BZW2: variants seen among roughly 807,000 people sequenced by gnomAD.
BZW2 encodes basic leucine zipper and W2 domains 2, also known as eIF5-mimic protein 1.
Under a neutral mutation model 53.2 loss-of-function variants are expected in BZW2, and 23 were observed. That is an observed-to-expected ratio of 0.43 (90% CI 0.31 to 0.61). BZW2 has a LOEUF of 0.61. Ranked by LOEUF, BZW2 falls within the 20% of genes least tolerant of loss-of-function variation. The pLI is 0.09. For synonymous variants in BZW2, 227 were observed against 186.4 expected (o/e 1.22, Z -1.77); for missense variants, 409 against 503.1 (o/e 0.81, Z 1.79).
intron 5 of BZW2, among the ~76,000 whole-genome samples, chr7:16,683,982 G>A (rs943389840): frequency 9.2e-5 from 14 of 152,228 alleles, no homozygotes; most frequent in Admixed American, 2.0e-4. Context: ...TGACCCAGCC[G>A]TCATGAATTT....
rs1562489270 is a variant in BZW2 at position 16,682,766 on chromosome 7, T to G, written c.340-14T>G. On this transcript the variant is annotated splice_polypyrimidine_tract_variant and intron_variant, in intron 4 of 11. Transcript: ENST00000258761. The stretch of plus-strand genomic sequence containing the variant: ...TTTGGTTGACCTAATATTTAATGGT[T>G]GTTTTTTTTTTAGGTCTTCAATAAA... 2 of 1,517,988 alleles carry G rather than the reference T, an allele frequency of 1.3e-6. No homozygotes were observed. Among genetic ancestry groups the G allele is most frequent in the East Asian group, 2.3e-5 (1 of 43,674 alleles). The allele number at this position is 1,517,988 out of a possible 1,614,324, so 94.0% of individuals were successfully genotyped here.
intron 1 of BZW2, among the ~76,000 whole-genome samples, chr7:16,657,289 G>A (rs933222535): frequency 1.3e-5 from 2 of 152,190 alleles, no homozygotes; most frequent in Non-Finnish European, 2.9e-5. Flanking sequence ...ACCATTGGAC[G>A]TAAATGTATT....
At chr7:16,671,669 G>A (rs191202430) in intron 2 of BZW2, among the ~76,000 whole-genome samples, 1 of 152,254 alleles carries the variant, frequency 6.6e-6, no homozygotes, top group East Asian at 1.9e-4. Flanking sequence ...AGTGGCTCAT[G>A]CCTGTAATCC....
intron 7 of BZW2, among the ~76,000 whole-genome samples, chr7:16,694,007 G>C (rs1193186320): frequency 1.3e-5 from 2 of 152,228 alleles, no homozygotes; most frequent in Middle Eastern, 3.4e-3. Flanking sequence ...CAAAAGCTTG[G>C]ATATATTTTT....
chr7:16,683,196 A>T (rs1294643519), intron 5 of BZW2, among the ~76,000 whole-genome samples: 1 of 152,210 alleles, frequency 6.6e-6, no homozygotes, highest in Non-Finnish European at 1.5e-5. Context: ...ACTCCATCTC[A>T]AAAAATAAAA....
chr7:16,700,869 G>A (rs991984588), intron 10 of BZW2: 2 of 152,030 alleles, frequency 1.3e-5, no homozygotes, highest in Admixed American at 6.6e-5. Context: ...AATGGAAACC[G>A]TTGCTCCATT....
intron 1 of BZW2, among the ~76,000 whole-genome samples, chr7:16,660,056 C>G (rs959024496): frequency 2.7e-5 from 4 of 147,310 alleles, no homozygotes; most frequent in African/African-American, 1.0e-4. Context: ...TTGTTCAGTT[C>G]CCACCTATGA....
At chr7:16,661,854 A>G (rs573726143) in intron 1 of BZW2, among the ~76,000 whole-genome samples, 28 of 152,256 alleles carry the variant, frequency 1.8e-4, no homozygotes, top group Middle Eastern at 3.4e-3. Flanking sequence ...CCAAATTGTC[A>G]TGATGCATAG....
At chr7:16,658,077 A>G (rs1279865303) in intron 1 of BZW2, among the ~76,000 whole-genome samples, 1 of 152,182 alleles carries the variant, frequency 6.6e-6, no homozygotes, top group Non-Finnish European at 1.5e-5. Context: ...ACCATCTGGA[A>G]GATTGAATGA....
intron 1 of BZW2, among the ~76,000 whole-genome samples, chr7:16,647,748 G>A (rs1204032796): frequency 6.6e-6 from 1 of 152,168 alleles, no homozygotes; most frequent in African/African-American, 2.4e-5. Context: ...GTATCATGCG[G>A]AAGAAACCCA....
At chr7:16,667,237 C>T (rs1351005708) in intron 2 of BZW2, among the ~76,000 whole-genome samples, 5 of 148,126 alleles carry the variant, frequency 3.4e-5, no homozygotes, top group African/African-American at 1.3e-4. Context: ...GCCGACATTG[C>T]ACCACTGCAC....
At chr7:16,687,129 T>C (rs1474156376) in intron 6 of BZW2, 1 of 152,184 alleles carries the variant, frequency 6.6e-6, no homozygotes, top group Non-Finnish European at 1.5e-5. Context: ...GTCTGTAACT[T>C]CCTTTGTAAT....
intron 1 of BZW2, among the ~76,000 whole-genome samples, chr7:16,661,906 A>G (rs1232312658): frequency 1.3e-5 from 2 of 152,110 alleles, no homozygotes; most frequent in African/African-American, 4.8e-5. Flanking sequence ...ATACTGTTAA[A>G]CTTTTATTTT....
At chr7:16,680,749 C>T (rs1294472789) in intron 3 of BZW2, among the ~76,000 whole-genome samples, 1 of 151,900 alleles carries the variant, frequency 6.6e-6, no homozygotes, top group Non-Finnish European at 1.5e-5. Context: ...GTTGAGACTG[C>T]AGTGAGCCAT....
At chr7:16,690,483 G>A (rs543949694) in intron 7 of BZW2, among the ~76,000 whole-genome samples, 2 of 152,218 alleles carry the variant, frequency 1.3e-5, no homozygotes, top group East Asian at 3.9e-4. Flanking sequence ...GGGATTATAG[G>A]CGTGAGCCAC....
intron 3 of BZW2, among the ~76,000 whole-genome samples, chr7:16,676,504 C>T (rs2128359513): frequency 6.6e-6 from 1 of 152,282 alleles, no homozygotes; most frequent in South Asian, 2.1e-4. Flanking sequence ...GCCGAGATCA[C>T]ACCATTGCGA....
At position 16,646,635 on chromosome 7, in the gene BZW2, G is replaced by A. The variant is rs541579021; in HGVS notation, c.-8+347G>A. 5.9e-5 allele frequency among the ~76,000 whole-genome samples: 9 copies of A among 152,330 alleles called. No individual in the cohort carries two copies. The East Asian group carries it at 1.7e-3, about 29-fold the overall frequency. On this transcript the variant is annotated intron_variant, in intron 1 of 11. Transcript: ENST00000258761. The stretch of plus-strand genomic sequence containing the variant: ...AGATGCGGCTCCCGGGGAGGCTGGG[G>A]CCGGGGCTCTGGGCTAGGTAGGGGT...
intron 1 of BZW2, among the ~76,000 whole-genome samples, chr7:16,647,034 C>A (rs1176398303): frequency 6.6e-6 from 1 of 152,040 alleles, no homozygotes; most frequent in Non-Finnish European, 1.5e-5. Flanking sequence ...CTTAGATTAG[C>A]CTCTTAATCC....
Position 16,706,189 on chromosome 7 carries a change from G to GAA in BZW2, c.*110_*111dup. Reference sequence around the variant, plus strand: ...AAACTTGGCTTCTGTTTTCGCAAAGGAAAAAAAAAATAGGATAGGCTTCCC... The same window carrying GAA: ...AAACTTGGCTTCTGTTTTCGCAAAGGAAAAAAAAAAAATAGGATAGGCTTCCC... On this transcript the variant is annotated 3_prime_UTR_variant, in exon 12 of 12. Transcript: ENST00000258761. 19 of 1,201,216 alleles carry GAA rather than the reference G, an allele frequency of 1.6e-5. No homozygotes were observed. The highest frequency in any genetic ancestry group is 2.7e-5 in the East Asian group (1 of 37,284). 74.4% of individuals were successfully genotyped at this position (1,201,216 alleles called of 1,614,324 possible). A position where few individuals can be genotyped will look rare whatever the true frequency, so the allele number is the denominator to read the frequency against.
Sources: allele counts gnomAD v4.1 joint callset (sites outside exome capture counted in the v4.1 genomes callset), GRCh38; gene constraint gnomAD v4.1.1; transcripts MANE v1.5; gene names NCBI Gene and HGNC (gene_info 2026-07-23, HGNC 2026-07-21).